The following TMED5 variants were observed in gnomAD, a reference collection of about 807,000 sequenced individuals.
TMED5 encodes the protein transmembrane p24 trafficking protein 5, also known as transmembrane emp24 domain-containing protein 5.
TMED5 carries 27 observed loss-of-function variants against 23.0 expected under a neutral mutation model. That is an observed-to-expected ratio of 1.17 (90% CI 0.86 to 1.62). TMED5 has a LOEUF of 1.62. Among genes scored for constraint, TMED5 ranks in the 40% most tolerant of loss-of-function variants. The pLI is 0.00. For missense variants in TMED5, 248 were observed against 273.7 expected, an observed-to-expected ratio of 0.91 and a Z score of 0.66; for synonymous variants, 97 against 100.8, an observed-to-expected ratio of 0.96 and a Z score of 0.23.
rs897634021 is a variant in TMED5, at chr1:93,152,754, T to G, written c.*1916A>C. ...AGTTTATATCTGTACCCTGCTTTAT[T>G]AGTTATGGTACTGTAAATTTGCTTC... is the stretch of plus-strand genomic sequence containing the variant. On this transcript the variant is annotated 3_prime_UTR_variant, in exon 4 of 4. Transcript: ENST00000370282. 1 of 152,556 alleles carries G rather than the reference T, an allele frequency of 6.6e-6. No homozygotes were observed. Among genetic ancestry groups the G allele is most frequent in the Non-Finnish European group, 1.5e-5 (1 of 68,012 alleles). 9.5% of individuals were successfully genotyped at this position (152,556 alleles called of 1,614,324 possible).
chr1:93,156,058 A>G, intron 3 of TMED5: 1 of 1,477,076 alleles, frequency 6.8e-7, no homozygotes, highest in South Asian at 1.4e-5. Flanking sequence ...TTATTTGCAC[A>G]TCTGAAGCTA....
intron 2 of TMED5, chr1:93,158,747 TA>T (rs1162400257): frequency 1.8e-5 from 3 of 163,838 alleles, no homozygotes; most frequent in Non-Finnish European, 3.8e-5. Context: ...TTTGTATTTT[TA>T]GTAGAGACAA....
intron 1 of TMED5, among the ~76,000 whole-genome samples, chr1:93,164,484 T>C (rs568739173): frequency 5.9e-5 from 9 of 152,254 alleles, no homozygotes; most frequent in South Asian, 2.1e-4. Context: ...CACCAGTACA[T>C]AGAGATCACA....
chr1:93,160,918 AAT>A (rs973165987), intron 1 of TMED5: 7 of 151,186 alleles, frequency 4.6e-5, no homozygotes, highest in African/African-American at 1.7e-4. Context: ...ATAAAAGAAT[AAT>A]AATTAACTGT....
intron 1 of TMED5, chr1:93,161,105 G>A (rs1172308250): frequency 6.6e-6 from 1 of 152,074 alleles, no homozygotes; most frequent in African/African-American, 2.4e-5. Flanking sequence ...AGATGATGAT[G>A]ATAATCATGG....
At chr1:93,156,533 A>G in intron 2 of TMED5, 50 bp from the exon 3 acceptor site, 2 of 1,465,816 alleles carry the variant, frequency 1.4e-6, no homozygotes, top group Non-Finnish European at 1.9e-6. Context: ...TCTATTTGTG[A>G]TGAAAAGCAA....
At chr1:93,155,601 G>GA (rs1389656229) in intron 3 of TMED5, among the ~76,000 whole-genome samples, 8 of 146,080 alleles carry the variant, frequency 5.5e-5, no homozygotes, top group Non-Finnish European at 7.4e-5. Flanking sequence ...ATTGCAACCT[G>GA]AGACTGTGCC....
At position 93,175,164 on chromosome 1, in the gene TMED5, T is replaced by G. The variant is rs955786778; in HGVS notation, c.189+4890A>C. On this transcript the variant is annotated intron_variant, in intron 1 of 3. Transcript: ENST00000370282. Reference sequence around the variant, plus strand: ...TTATATATATATATTTATATAATACTTAAAAGCCATTTATATATATATATA... The same window carrying G: ...TTATATATATATATTTATATAATACGTAAAAGCCATTTATATATATATATA... Among the ~76,000 whole-genome samples, 11 of 117,984 alleles carry G rather than the reference T, an allele frequency of 9.3e-5. No homozygotes were observed. The South Asian group carries it at 3.1e-3, about 34-fold the overall frequency. The allele number at this position is 117,984 out of a possible 152,430, so 77.4% of individuals were successfully genotyped here.
intron 1 of TMED5, among the ~76,000 whole-genome samples, chr1:93,164,629 A>G (rs558762753): frequency 3.9e-5 from 6 of 152,152 alleles, no homozygotes; most frequent in Non-Finnish European, 8.8e-5. Flanking sequence ...TCAGAGACTC[A>G]AGCAGAGAAC....
Position 93,154,854 on chromosome 1 carries a change from TTGCTTAGTCTGG to T in TMED5, c.494_505del (p.Ser165_Lys169delinsTer), listed in dbSNP as rs777642319. 14 of 1,613,718 alleles carry T rather than the reference TTGCTTAGTCTGG, an allele frequency of 8.7e-6. No individual in the cohort carries two copies. The highest frequency in any genetic ancestry group is 1.2e-5 in the Non-Finnish European group (14 of 1,179,692). On this transcript the variant is annotated stop_gained and inframe_deletion, in exon 4 of 4. Transcript: ENST00000370282. LOFTEE classifies it high-confidence loss of function. ...AAGCAGAGTTTGTATGTGCCCACTTTTGCTTAGTCTGGACTTGATGCTGTTGATGGATTCCTG... is the reference window on the plus strand; with the variant it reads ...AAGCAGAGTTTGTATGTGCCCACTTTACTTGATGCTGTTGATGGATTCCTG...
chr1:93,159,801 C>T (rs1040101921), intron 2 of TMED5, among the ~76,000 whole-genome samples: 2 of 152,246 alleles, frequency 1.3e-5, no homozygotes, highest in Middle Eastern at 6.8e-3. Flanking sequence ...GGAACAGTAG[C>T]TTTAAGTTAA....
intron 1 of TMED5, among the ~76,000 whole-genome samples, chr1:93,176,023 G>A (rs1252027275): frequency 6.6e-6 from 1 of 152,048 alleles, no homozygotes; most frequent in Non-Finnish European, 1.5e-5. Context: ...ATACCTTGTG[G>A]CCAAAACGAT....
At chr1:93,178,332 T>C (rs1424540081) in intron 1 of TMED5, among the ~76,000 whole-genome samples, 1 of 152,186 alleles carries the variant, frequency 6.6e-6, no homozygotes. Context: ...TTAAGAACTA[T>C]GGATCTTTTT....
At chr1:93,175,362 G>GT (rs947284142) in intron 1 of TMED5, among the ~76,000 whole-genome samples, 5 of 135,988 alleles carry the variant, frequency 3.7e-5, no homozygotes, top group African/African-American at 8.2e-5. Context: ...TTGAGTTTTT[G>GT]TTTTTTTATA....
At chr1:93,179,431 AAG>A (rs1649164725) in intron 1 of TMED5, among the ~76,000 whole-genome samples, 5 of 152,044 alleles carry the variant, frequency 3.3e-5, no homozygotes, top group African/African-American at 9.7e-5. Flanking sequence ...AAAAAATGAA[AAG>A]AAAGGTTATA....
At chr1:93,175,460 ATATG>A (rs1173423933) in intron 1 of TMED5, among the ~76,000 whole-genome samples, 1 of 147,366 alleles carries the variant, frequency 6.8e-6, no homozygotes, top group East Asian at 1.9e-4. Context: ...TATATAATAG[ATATG>A]TGTGTGTATG....
At chr1:93,163,284 A>T (rs1237323774) in intron 1 of TMED5, 3 of 152,064 alleles carry the variant, frequency 2.0e-5, no homozygotes, top group Non-Finnish European at 4.4e-5. Flanking sequence ...GTCAGGCTTA[A>T]TGAAATTGTG....
chr1:93,154,440 C>G lies in TMED5; in HGVS notation c.*230G>C. ...ATGCAGTTATTAATATGGCTTCATT[C>G]AGTTAAACCTATATTCTGCAAAATA... On this transcript the variant is annotated 3_prime_UTR_variant, in exon 4 of 4. Transcript: ENST00000370282. 1 of 510,378 alleles carries G rather than the reference C, an allele frequency of 2.0e-6. No homozygotes were observed. Among genetic ancestry groups the G allele is most frequent in the Non-Finnish European group, 3.4e-6 (1 of 290,886 alleles). 31.6% of individuals were successfully genotyped at this position (510,378 alleles called of 1,614,324 possible). A position where few individuals can be genotyped will look rare whatever the true frequency, so the allele number is the denominator to read the frequency against.
chr1:93,169,517 G>C (rs141278671), intron 1 of TMED5, among the ~76,000 whole-genome samples: 49 of 150,622 alleles, frequency 3.3e-4, no homozygotes, highest in African/African-American at 1.1e-3. Context: ...AGAAAGAACA[G>C]TAATACAAAC....
Sources: gnomAD v4.1 joint callset for allele counts (sites outside exome capture counted in the v4.1 genomes callset) on GRCh38, gnomAD v4.1.1 for gene constraint, MANE v1.5 for transcripts, NCBI Gene and HGNC (gene_info 2026-07-23, HGNC 2026-07-21) for gene names.